The following KALRN variants were observed in gnomAD, a reference collection of about 807,000 sequenced individuals.
The protein encoded by KALRN is kalirin RhoGEF kinase, also known as kalirin.
In KALRN, 70 loss-of-function variants were observed where a neutral mutation model predicts 353.7. The ratio of observed to expected loss-of-function variants is 0.20; its 90% CI spans 0.16 to 0.24. The LOEUF (loss-of-function observed/expected upper bound fraction) is 0.24, where lower values mean the gene tolerates loss of function less well. Ranked by LOEUF, KALRN falls within the 10% of genes least tolerant of loss-of-function variation. KALRN has a pLI of 1.00. For missense variants in KALRN, 2,791 were observed against 3,756.7 expected (o/e 0.74, Z 6.72); for synonymous variants, 1,391 against 1,434.8 (o/e 0.97, Z 0.69).
At chr3:124,518,497 G>T (rs1201702421) in intron 33 of KALRN, 1 of 1,613,444 alleles carries the variant, frequency 6.2e-7, no homozygotes, top group Non-Finnish European at 8.5e-7. Context: ...CAGCTCACCG[G>T]GTTAGCCGTG....
intron 6 of KALRN, among the ~76,000 whole-genome samples, chr3:124,318,167 G>A (rs1392710161): frequency 1.3e-5 from 2 of 152,190 alleles, no homozygotes; most frequent in African/African-American, 2.4e-5. Context: ...GACAGGACTC[G>A]TGAGCCAATG....
intron 1 of KALRN, among the ~76,000 whole-genome samples, chr3:124,049,726 CAT>C (rs1436017659): frequency 3.3e-5 from 5 of 152,118 alleles, no homozygotes; most frequent in African/African-American, 9.7e-5. Context: ...GGAAAAGAGA[CAT>C]GTGTATGAGA....
At chr3:124,113,510 T>C (rs1320180) in intron 1 of KALRN, among the ~76,000 whole-genome samples, 146,156 of 152,326 alleles carry the variant, frequency 0.96, 70,420 homozygotes, top group East Asian at 1. Flanking sequence ...AGAGAGTCGA[T>C]GACTAACTTC....
chr3:124,200,874 T>C (rs1357175184), intron 1 of KALRN, among the ~76,000 whole-genome samples: 1 of 152,196 alleles, frequency 6.6e-6, no homozygotes, highest in Admixed American at 6.5e-5. Flanking sequence ...ATAATGCAGG[T>C]TAGTGTACTT....
At chr3:124,691,258 G>A (rs559413411) in intron 51 of KALRN, among the ~76,000 whole-genome samples, 3 of 151,974 alleles carry the variant, frequency 2.0e-5, no homozygotes, top group South Asian at 2.1e-4. Flanking sequence ...GCGAGACCCC[G>A]TCTCTACTAA....
intron 13 of KALRN, among the ~76,000 whole-genome samples, chr3:124,406,062 A>T (rs2091506204): frequency 6.6e-6 from 1 of 152,222 alleles, no homozygotes; most frequent in African/African-American, 2.4e-5. Context: ...GAACATTGGA[A>T]CTCATCAATT....
Position 124,671,831 on chromosome 3 carries a change from T to C in KALRN, c.6875T>C (p.Ile2292Thr), listed in dbSNP as rs767877274. 6.2e-7 allele frequency: 1 copy of C among 1,614,152 alleles called. No individual in the cohort carries two copies. The highest frequency in any genetic ancestry group is 1.1e-5 in the South Asian group (1 of 91,072). The change falls in exon 48 of 60, where the codon ATA becomes ACA. Residue 2292 changes from isoleucine to threonine, a missense_variant. Physicochemically the swap from Ile to Thr is moderately conservative, Grantham distance 89 (BLOSUM62 -1). This residue lies in a region of KALRN where 1,065 missense variants were observed against 1,156.4 expected (regional missense o/e 0.92). Coordinates refer to ENST00000682506, the MANE Select transcript of KALRN (RefSeq NM_001388419.1). ...SYNPPLPPLK[I>T]STSNGSPGFE... ...AACCCACCTCTGCCTCCCCTGAAGA[T>C]ATCTACCTCCAATGGCAGTCCAGGG...
At chr3:124,365,537 G>A (rs2084576376) in intron 10 of KALRN, among the ~76,000 whole-genome samples, 1 of 152,176 alleles carries the variant, frequency 6.6e-6, no homozygotes, top group Non-Finnish European at 1.5e-5. Context: ...AGATAAAAGT[G>A]GACTTGGCTT....
At chr3:124,702,993 G>A (rs1052357156) in intron 57 of KALRN, among the ~76,000 whole-genome samples, 2 of 152,164 alleles carry the variant, frequency 1.3e-5, no homozygotes, top group African/African-American at 4.8e-5. Context: ...GTCTGTGTGA[G>A]GGAATGTAGG....
intron 33 of KALRN, among the ~76,000 whole-genome samples, chr3:124,505,109 A>T (rs1177732149): frequency 6.6e-6 from 1 of 152,126 alleles, no homozygotes; most frequent in Admixed American, 6.5e-5. Flanking sequence ...AGACCTTTTG[A>T]TGTATCACTT....
intron 6 of KALRN, among the ~76,000 whole-genome samples, chr3:124,302,944 C>T (rs988371024): frequency 6.6e-6 from 1 of 152,126 alleles, no homozygotes; most frequent in East Asian, 1.9e-4. Context: ...ACTTAATTAC[C>T]TATTTAAACA....
chr3:124,240,963 CA>C (rs1423519791), intron 3 of KALRN, among the ~76,000 whole-genome samples: 2 of 151,900 alleles, frequency 1.3e-5, no homozygotes, highest in African/African-American at 2.4e-5. Flanking sequence ...ATAATAGCAA[CA>C]AAAAATATAT....
chr3:124,439,679 A>T (rs2093610866), intron 18 of KALRN, among the ~76,000 whole-genome samples: 1 of 152,180 alleles, frequency 6.6e-6, no homozygotes, highest in African/African-American at 2.4e-5. Context: ...GACACTGTTC[A>T]TTCTTCTGTA....
At chr3:124,550,253 C>T (rs1055894878) in intron 33 of KALRN, among the ~76,000 whole-genome samples, 2 of 152,052 alleles carry the variant, frequency 1.3e-5, no homozygotes, top group African/African-American at 4.8e-5. Context: ...TTGGGATGGA[C>T]AGGTAGTTCA....
At chr3:124,595,850 A>G (rs778494836) in intron 34 of KALRN, among the ~76,000 whole-genome samples, 61 of 152,332 alleles carry the variant, frequency 4.0e-4, no homozygotes, top group South Asian at 1.2e-3. Flanking sequence ...CTGAGAGTAT[A>G]ATAAGCGAAT....
At chr3:124,602,350 C>G (rs561294536) in intron 34 of KALRN, among the ~76,000 whole-genome samples, 1 of 152,228 alleles carries the variant, frequency 6.6e-6, no homozygotes, top group East Asian at 1.9e-4. Context: ...ATTGTCGGAC[C>G]TACCCTGGGA....
chr3:124,054,566 C>G (rs2041352057), intron 1 of KALRN, among the ~76,000 whole-genome samples: 1 of 152,056 alleles, frequency 6.6e-6, no homozygotes, highest in African/African-American at 2.4e-5. Flanking sequence ...CTTTCCCTAA[C>G]AGGTAGCCCC....
intron 51 of KALRN, among the ~76,000 whole-genome samples, chr3:124,686,476 A>C (rs1477886946): frequency 6.6e-6 from 1 of 152,192 alleles, no homozygotes; most frequent in Non-Finnish European, 1.5e-5. Flanking sequence ...GGGTTGGATG[A>C]ACTAATAGGA....
chr3:124,227,646 T>C (rs947183196), intron 1 of KALRN, among the ~76,000 whole-genome samples: 8 of 139,176 alleles, frequency 5.7e-5, no homozygotes, highest in African/African-American at 2.1e-4. Context: ...TTCAAGTTGC[T>C]CAATAGCAAC....
Sources: gnomAD v4.1 joint callset for allele counts (sites outside exome capture counted in the v4.1 genomes callset) on GRCh38, gnomAD v4.1.1 for gene constraint, gnomAD v4.1.1 regional missense constraint, MANE v1.5 for transcripts, NCBI Gene and HGNC (gene_info 2026-07-23, HGNC 2026-07-21) for gene names.